The following IRGC variants were observed in gnomAD, a reference collection of about 807,000 sequenced individuals.
The protein encoded by IRGC is immunity related GTPase cinema.
A neutral mutation model predicts 16.1 loss-of-function variants in IRGC; 4 were observed. The ratio of observed to expected loss-of-function variants is 0.25; its 90% CI spans 0.12 to 0.57. The LOEUF (loss-of-function observed/expected upper bound fraction) is 0.57, where lower values mean the gene tolerates loss of function less well. Among genes scored for constraint, IRGC ranks in the 20% least tolerant of loss-of-function variants. The pLI, the probability that IRGC is intolerant of heterozygous loss-of-function variation, is 0.92. For missense variants in IRGC, 570 were observed against 643.9 expected (o/e 0.89, Z 1.24); for synonymous variants, 307 against 299.5 (o/e 1.03, Z -0.26).
rs549796988 is a variant in IRGC at position 43,719,009 on chromosome 19, C to A, written c.451C>A (p.Arg151Ser). The A allele has an allele frequency of 1.9e-6, 3 of 1,612,296 alleles. No individual in the cohort carries two copies. In the East Asian group the frequency reaches 6.7e-5, roughly 36 times the overall value. Residue 151 changes from arginine (R) to serine (S), a missense_variant, in exon 2 of 2, where the codon CGC (arginine) becomes AGC (serine). Physicochemically the swap from Arg to Ser is moderately radical, Grantham distance 110. Transcript: ENST00000244314. ...CCGCCGCTGCGGGGCCGTCGAGACCCGCCTGGCCGCTGAGATCCTGTGCCA... is the reference window on the plus strand; with the variant it reads ...CCGCCGCTGCGGGGCCGTCGAGACCAGCCTGGCCGCTGAGATCCTGTGCCA... ...SPRRCGAVET[R>S]LAAEILCQGK... is the part of the protein sequence containing the mutation.
chr19:43,719,977 A>T lies in IRGC; in HGVS notation c.*27A>T. On this transcript the variant is annotated 3_prime_UTR_variant, in exon 2 of 2. Transcript: ENST00000244314. ...GAGTGCAGCCCCGCCCCCCTGCCTC[A>T]CCCACAAACTAAGTCTTAACAAAAT... 1.9e-6 allele frequency: 3 copies of T among 1,610,162 alleles called. No individual in the cohort carries two copies. The highest frequency in any genetic ancestry group is 2.5e-6 in the Non-Finnish European group (3 of 1,178,692).
In IRGC at chr19:43,718,481, TCTC is replaced by T. The variant is rs766795866; in HGVS notation, c.-66-8_-66-6del. The T allele has an allele frequency of 1.2e-5, 18 of 1,503,766 alleles. No individual in the cohort carries two copies. The East Asian group carries it at 1.4e-4, about 11-fold the overall frequency. The allele number at this position is 1,503,766 out of a possible 1,614,324, so 93.2% of individuals were successfully genotyped here. ...GCCCAGGAGGTGTGAATGGCTCCCT[TCTC>T]CTCTGCAGGCGCTGAGGATCACGCA... On this transcript the variant is annotated splice_polypyrimidine_tract_variant and intron_variant, in intron 1 of 1. Coordinates refer to ENST00000244314, the MANE Select transcript of IRGC (RefSeq NM_019612.4).
chr19:43,718,462 G>C lies in IRGC; in HGVS notation c.-66-31G>C, dbSNP rs1370529255. On this transcript the variant is annotated intron_variant, in intron 1 of 1. Coordinates refer to ENST00000244314, the MANE Select transcript of IRGC (RefSeq NM_019612.4). ...CTCCCTGCCCCATGCCAAGGCCCAG[G>C]AGGTGTGAATGGCTCCCTTCTCCTC... 2.7e-6 allele frequency: 4 copies of C among 1,494,978 alleles called. No homozygotes were observed. In the South Asian group the frequency reaches 5.4e-5, roughly 20 times the overall value. The allele number at this position is 1,494,978 out of a possible 1,614,324, so 92.6% of individuals were successfully genotyped here.
Position 43,719,312 on chromosome 19 carries a change from T to C in IRGC, c.754T>C (p.Ser252Pro). 1 of 1,610,434 alleles carries C rather than the reference T, an allele frequency of 6.2e-7. No individual in the cohort carries two copies. Among genetic ancestry groups the C allele is most frequent in the Non-Finnish European group, 8.5e-7 (1 of 1,177,868 alleles). Residue 252 changes from serine to proline, a missense_variant, in exon 2 of 2, where the codon TCG (serine) becomes CCG (proline). Coordinates refer to ENST00000244314, the MANE Select transcript of IRGC (RefSeq NM_019612.4). ...HAGLLSLPDI[S>P]LEALQKKKAM... ...TGGCCTGCTGTCGCTCCCCGACATC[T>C]CGCTGGAGGCCTTGCAGAAGAAGAA...
In IRGC at chr19:43,719,415, C is replaced by T. The variant is rs1328706783; in HGVS notation, c.857C>T (p.Ala286Val). 2.5e-6 allele frequency: 4 copies of T among 1,605,766 alleles called. No homozygotes were observed. In the African/African-American group the frequency reaches 4.0e-5, roughly 16 times the overall value. The change falls in exon 2 of 2, where the codon GCG becomes GTG. Residue 286 changes from alanine to valine, a missense_variant. Ala to Val is a moderately conservative substitution (Grantham distance 64). Coordinates refer to ENST00000244314, the MANE Select transcript of IRGC (RefSeq NM_019612.4). ...CAGGCCCTGCCGGTCCCAGGGCTGGCGGCCGCCTACGATGATGCGTTGCTC... is the reference window on the plus strand; with the variant it reads ...CAGGCCCTGCCGGTCCCAGGGCTGGTGGCCGCCTACGATGATGCGTTGCTC... Reference protein sequence around the residue: ...VIQALPVPGLAAAYDDALLIH... With the variant: ...VIQALPVPGLVAAYDDALLIH...
In IRGC at chr19:43,720,005, A is replaced by T; in HGVS notation, c.*55A>T. On this transcript the variant is annotated 3_prime_UTR_variant, in exon 2 of 2. Coordinates refer to ENST00000244314, the MANE Select transcript of IRGC (RefSeq NM_019612.4). ...CACAAACTAAGTCTTAACAAAATCC[A>T]AATTACCAACAAAAAAGGCCGATGT... The T allele has an allele frequency of 6.3e-7, 1 of 1,593,826 alleles. No individual in the cohort carries two copies. The highest frequency in any genetic ancestry group is 2.2e-5 in the East Asian group (1 of 44,694).
In IRGC at chr19:43,718,592, G is replaced by A. The variant is rs1355618817; in HGVS notation, c.34G>A (p.Glu12Lys). ...ATSKLPVVPG[E>K]EENTILMAKE... is the part of the protein sequence containing the mutation. Reference sequence around the variant, plus strand: ...TTCAAAGTTGCCCGTGGTGCCTGGGGAGGAGGAAAACACCATCCTTATGGC... The same window carrying A: ...TTCAAAGTTGCCCGTGGTGCCTGGGAAGGAGGAAAACACCATCCTTATGGC... Residue 12 changes from glutamate (E) to lysine (K), a missense_variant, in exon 2 of 2, where the codon GAG (glutamate) becomes AAG (lysine). Glu to Lys is a moderately conservative substitution (Grantham distance 56). Transcript: ENST00000244314. 2 of 1,597,804 alleles carry A rather than the reference G, an allele frequency of 1.3e-6. No individual in the cohort carries two copies. The highest frequency in any genetic ancestry group is 2.2e-5 in the East Asian group (1 of 44,640).
In IRGC at chr19:43,718,521, TC is replaced by T; in HGVS notation, c.-34del. 1.3e-6 allele frequency: 2 copies of T among 1,526,444 alleles called. No homozygotes were observed. Among genetic ancestry groups the T allele is most frequent in the Non-Finnish European group, 1.8e-6 (2 of 1,137,770 alleles). The allele number at this position is 1,526,444 out of a possible 1,614,324, so 94.6% of individuals were successfully genotyped here. On this transcript the variant is annotated 5_prime_UTR_variant, in exon 2 of 2. Coordinates refer to ENST00000244314, the MANE Select transcript of IRGC (RefSeq NM_019612.4). ...CTGAGGATCACGCATCCTGTGACTCTCCCCTGTCCCCCGCCACCCTCTGAAC... is the reference window on the plus strand; with the variant it reads ...CTGAGGATCACGCATCCTGTGACTCTCCCTGTCCCCCGCCACCCTCTGAAC...
intron 1 of IRGC, among the ~76,000 whole-genome samples, chr19:43,717,024 G>T (rs1044213655): frequency 4.6e-5 from 7 of 152,174 alleles, no homozygotes; most frequent in African/African-American, 9.7e-5. Context: ...GAAGCTCCTG[G>T]TGAGGAGGAG....
At chr19:43,717,774 T>TA (rs1968192504) in intron 1 of IRGC, among the ~76,000 whole-genome samples, 1 of 152,152 alleles carries the variant, frequency 6.6e-6, no homozygotes, top group Admixed American at 6.5e-5. Context: ...GTTCAAATAT[T>TA]ATAAAGAATT....
At chr19:43,717,862 G>T (rs912446377) in intron 1 of IRGC, among the ~76,000 whole-genome samples, 1 of 152,200 alleles carries the variant, frequency 6.6e-6, no homozygotes, top group Non-Finnish European at 1.5e-5. Flanking sequence ...GATCTCGGAA[G>T]TTCAAGACCA....
chr19:43,718,263 C>G (rs1261792199), intron 1 of IRGC: 4 of 351,870 alleles, frequency 1.1e-5, no homozygotes, highest in Middle Eastern at 1.6e-3. Context: ...CAGAGAGGTG[C>G]TTCATTTTGC....
intron 1 of IRGC, among the ~76,000 whole-genome samples, 159 bp downstream of exon 1, chr19:43,716,301 A>T (rs1396715234): frequency 6.6e-6 from 1 of 151,872 alleles, no homozygotes; most frequent in Non-Finnish European, 1.5e-5. Context: ...ACCGCAGACC[A>T]TACTAGGGAG....
rs1968249317 is a variant in IRGC at position 43,719,968 on chromosome 19, C to A, written c.*18C>A. On this transcript the variant is annotated 3_prime_UTR_variant, in exon 2 of 2. Transcript: ENST00000244314. Reference sequence around the variant, plus strand: ...AGAAATAAAGAGTGCAGCCCCGCCCCCCTGCCTCACCCACAAACTAAGTCT... The same window carrying A: ...AGAAATAAAGAGTGCAGCCCCGCCCACCTGCCTCACCCACAAACTAAGTCT... The A allele has an allele frequency of 1.2e-6, 2 of 1,610,702 alleles. No homozygotes were observed. Among genetic ancestry groups the A allele is most frequent in the Non-Finnish European group, 1.7e-6 (2 of 1,179,354 alleles).
rs762217295 is a variant in IRGC at position 43,719,126 on chromosome 19, G to A, written c.568G>A (p.Val190Ile). Residue 190 changes from valine (V) to isoleucine (I), a missense_variant, in exon 2 of 2, where the codon GTC becomes ATC. By Grantham distance (29) the Val-to-Ile change is conservative (BLOSUM62 3). Coordinates refer to ENST00000244314, the MANE Select transcript of IRGC (RefSeq NM_019612.4). ...QRPSGFREAA[V>I]LQEIRDHCAE... ...GCCGTCGGGCTTCAGAGAGGCCGCT[G>A]TCCTGCAGGAGATCCGAGACCACTG... 4.3e-6 allele frequency: 7 copies of A among 1,610,664 alleles called. No individual in the cohort carries two copies. Among genetic ancestry groups the A allele is most frequent in the African/African-American group, 4.0e-5 (3 of 74,928 alleles).
intron 1 of IRGC, among the ~76,000 whole-genome samples, chr19:43,718,065 TCAAACAAA>T (rs111429395): frequency 8.5e-5 from 13 of 152,124 alleles, no homozygotes; most frequent in Middle Eastern, 3.4e-3. Flanking sequence ...AGACCCTGTC[TCAAACAAA>T]CAAACAAACA....
In IRGC at chr19:43,718,524, C is replaced by A; in HGVS notation, c.-35C>A. On this transcript the variant is annotated 5_prime_UTR_variant, in exon 2 of 2. Transcript: ENST00000244314. ...AGGATCACGCATCCTGTGACTCTCCCCTGTCCCCCGCCACCCTCTGAACCA... is the reference window on the plus strand; with the variant it reads ...AGGATCACGCATCCTGTGACTCTCCACTGTCCCCCGCCACCCTCTGAACCA... 6.5e-7 allele frequency: 1 copy of A among 1,534,154 alleles called. No homozygotes were observed. Among genetic ancestry groups the A allele is most frequent in the South Asian group, 1.3e-5 (1 of 78,382 alleles).
intron 1 of IRGC, 174 bp from the exon 2 acceptor site, chr19:43,718,318 TG>T: frequency 1.6e-6 from 1 of 618,682 alleles, no homozygotes; most frequent in Non-Finnish European, 2.4e-6. Flanking sequence ...GATGTGAACC[TG>T]GGCCTGCCAG....
In IRGC at chr19:43,718,706, A is replaced by C. The variant is rs1335617545; in HGVS notation, c.148A>C (p.Thr50Pro). ...ASHLQELLAS[T>P]ESIRLEVGVT... is the part of the protein sequence containing the mutation. ...TCACCTCCAGGAGCTGCTGGCCTCC[A>C]CGGAAAGCATCCGCCTGGAGGTGGG... Residue 50 changes from threonine (T) to proline (P), a missense_variant, in exon 2 of 2, where the codon ACG (threonine) becomes CCG (proline). Thr to Pro is a conservative substitution (Grantham distance 38, BLOSUM62 -1). Transcript: ENST00000244314. 6.2e-7 allele frequency: 1 copy of C among 1,613,498 alleles called. No homozygotes were observed. Among genetic ancestry groups the C allele is most frequent in the Admixed American group, 1.7e-5 (1 of 60,016 alleles).
Sources: gnomAD v4.1 joint callset for allele counts (sites outside exome capture counted in the v4.1 genomes callset) on GRCh38, gnomAD v4.1.1 for gene constraint, MANE v1.5 for transcripts, NCBI Gene and HGNC (gene_info 2026-07-23, HGNC 2026-07-21) for gene names.